Variants in BIVM observed in about 807,000 individuals in gnomAD.
The protein encoded by BIVM is basic, immunoglobulin-like variable motif containing, also known as basic immunoglobulin-like variable motif-containing protein.
A neutral mutation model predicts 61.4 loss-of-function variants in BIVM; 31 were observed. That is an observed-to-expected ratio of 0.51 (90% CI 0.38 to 0.68). BIVM has a LOEUF of 0.68. Among genes scored for constraint, BIVM ranks in the 30% least tolerant of loss-of-function variants. The pLI is 0.00. For missense variants in BIVM, 526 were observed against 596.0 expected (o/e 0.88, Z 1.22); for synonymous variants, 189 against 210.7 (o/e 0.90, Z 0.89).
In BIVM at chr13:102,831,768, G is replaced by T; in HGVS notation, c.1034+71G>T. The T allele has an allele frequency of 3.9e-6, 6 of 1,546,336 alleles. No homozygotes were observed. The East Asian group carries it at 1.4e-4, about 37-fold the overall frequency. ...AAAATAGATGGGTGCGGTAGCTCAC[G>T]CCTGTAATCCTAGCACTTTGGGAGG... On this transcript the variant is annotated intron_variant, in intron 8 of 10. Transcript: ENST00000257336.
In BIVM at chr13:102,807,432, G is replaced by C; in HGVS notation, c.165G>C (p.Trp55Cys). The change falls in exon 3 of 11, where the codon TGG becomes TGC. Residue 55 changes from tryptophan (W) to cysteine (C), a missense_variant. Trp to Cys is a radical substitution (Grantham distance 215, BLOSUM62 -2). This residue lies in a region of BIVM where 312 missense variants were observed against 343.8 expected (regional missense o/e 0.91). Transcript: ENST00000257336. This position sits in a 1 kb window ranked among gnomAD's most constrained non-coding sequence, Gnocchi z 4.0. ...CCAAAGGAGATGGTCATTATCCATGGAGTTGTCCAGTGACTCATACACGGG... is the reference window on the plus strand; with the variant it reads ...CCAAAGGAGATGGTCATTATCCATGCAGTTGTCCAGTGACTCATACACGGG... ...LGPKGDGHYP[W>C]SCPVTHTREK... is the part of the protein sequence containing the mutation. 6.2e-7 allele frequency: 1 copy of C among 1,614,158 alleles called. No individual in the cohort carries two copies. The highest frequency in any genetic ancestry group is 8.5e-7 in the Non-Finnish European group (1 of 1,180,026).
rs750633383 is a variant in BIVM at position 102,807,631 on chromosome 13, A to G, written c.364A>G (p.Asn122Asp). The stretch of plus-strand genomic sequence containing the variant: ...GACTAGTACATCGGAAATTATCTAC[A>G]ATGAAGAAAATAGCTTGGAAAACTT... ...IPTSTSEIIY[N>D]EENSLENLSN... The change falls in exon 3 of 11, where the codon AAT becomes GAT. Residue 122 changes from asparagine to aspartate, a missense_variant. Asn to Asp is a conservative substitution (Grantham distance 23). Transcript: ENST00000257336. This position sits in a 1 kb window ranked among gnomAD's most constrained non-coding sequence, Gnocchi z 4.0. The G allele has an allele frequency of 3.1e-6, 5 of 1,614,200 alleles. No individual in the cohort carries two copies. The highest frequency in any genetic ancestry group is 1.1e-5 in the South Asian group (1 of 91,086).
chr13:102,809,800 T>C (rs1292692986), intron 3 of BIVM, among the ~76,000 whole-genome samples: 1 of 151,676 alleles, frequency 6.6e-6, no homozygotes, highest in Admixed American at 6.6e-5. Context: ...TTTTTTTTTT[T>C]TCTGAGACAG....
chr13:102,804,694 A>T (rs1211967895), intron 1 of BIVM, among the ~76,000 whole-genome samples: 1 of 150,706 alleles, frequency 6.6e-6, no homozygotes. Context: ...TCCTGACCTC[A>T]AATGATCCAC....
intron 4 of BIVM, among the ~76,000 whole-genome samples, chr13:102,818,894 A>G (rs1880052823): frequency 6.6e-6 from 1 of 152,244 alleles, no homozygotes; most frequent in Non-Finnish European, 1.5e-5. Context: ...GAGAAAAACT[A>G]TATACATGCA....
At chr13:102,808,823 A>C (rs1419615569) in intron 3 of BIVM, among the ~76,000 whole-genome samples, 1 of 152,136 alleles carries the variant, frequency 6.6e-6, no homozygotes, top group African/African-American at 2.4e-5. Flanking sequence ...TTAAGTTGTC[A>C]AATTTGGGGG....
chr13:102,834,432 T>G (rs1236430623), intron 8 of BIVM, 34 bp from the exon 9 acceptor site: 2 of 1,573,448 alleles, frequency 1.3e-6, no homozygotes, highest in Non-Finnish European at 1.7e-6. Flanking sequence ...AGGGAGTAAC[T>G]ATTAAACGTA....
chr13:102,815,061 A>AAACC lies in BIVM; in HGVS notation c.479-1364_479-1363insCAAC, dbSNP rs572519327. On this transcript the variant is annotated intron_variant, in intron 3 of 10. Coordinates refer to ENST00000257336, the MANE Select transcript of BIVM (RefSeq NM_017693.4). The stretch of plus-strand genomic sequence containing the variant: ...CTTGTCTCAAAACAAACAAACAAAC[A>AAACC]AACAAACAAAAAGAATAATTAAAAG... 1.8e-4 allele frequency among the ~76,000 whole-genome samples: 27 copies of AAACC among 152,270 alleles called. No homozygotes were observed. In the East Asian group the frequency reaches 4.8e-3, roughly 27 times the overall value.
At chr13:102,829,577 A>G (rs1880913127) in intron 7 of BIVM, among the ~76,000 whole-genome samples, 1 of 152,002 alleles carries the variant, frequency 6.6e-6, no homozygotes, top group Admixed American at 6.6e-5. Context: ...AGTGGCTCAC[A>G]CCTGTAATCC....
At chr13:102,824,541 TG>T (rs1356211465) in intron 7 of BIVM, among the ~76,000 whole-genome samples, 1 of 152,182 alleles carries the variant, frequency 6.6e-6, no homozygotes, top group Non-Finnish European at 1.5e-5. Context: ...ATAAAAGGCT[TG>T]ATAGTAAATA....
At chr13:102,819,131 G>T (rs1880067391) in intron 4 of BIVM, among the ~76,000 whole-genome samples, 1 of 152,154 alleles carries the variant, frequency 6.6e-6, no homozygotes, top group South Asian at 2.1e-4. Context: ...AGGTCTCTTA[G>T]GTTGGAGTTC....
rs189233499 is a variant in BIVM, at chr13:102,819,602, G to A, written c.606-1435G>A. On this transcript the variant is annotated intron_variant, in intron 4 of 10. Coordinates refer to ENST00000257336, the MANE Select transcript of BIVM (RefSeq NM_017693.4). ...GGAACAACACACACTGGGCCCTGTC[G>A]CGGGGTGGGAACCGGGGACAGGAGA... 1.2e-3 allele frequency among the ~76,000 whole-genome samples: 184 copies of A among 152,202 alleles called. 2 individuals are homozygous for A. Among genetic ancestry groups the A allele is most frequent in the Non-Finnish European group, 3.7e-4 (25 of 68,020 alleles).
intron 8 of BIVM, among the ~76,000 whole-genome samples, chr13:102,833,010 G>C (rs1237094897): frequency 1.3e-5 from 2 of 152,026 alleles, no homozygotes; most frequent in Non-Finnish European, 2.9e-5. Context: ...TGTAATCCCA[G>C]CATTTTGGGA....
chr13:102,825,099 T>C (rs1027334085), intron 7 of BIVM, among the ~76,000 whole-genome samples: 4 of 152,068 alleles, frequency 2.6e-5, no homozygotes, highest in South Asian at 2.1e-4. Context: ...CCCACCACCA[T>C]GCCCGGCTAA....
In BIVM at chr13:102,839,803, A is replaced by C. The variant is rs1467548825; in HGVS notation, c.1450A>C (p.Ser484Arg). 1.2e-6 allele frequency: 2 copies of C among 1,614,036 alleles called. No individual in the cohort carries two copies. The highest frequency in any genetic ancestry group is 8.5e-7 in the Non-Finnish European group (1 of 1,180,054). The change falls in exon 11 of 11, where the codon AGT becomes CGT. Residue 484 changes from serine (S) to arginine (R), a missense_variant. Ser to Arg is a moderately radical substitution (Grantham distance 110, BLOSUM62 -1). Around this residue, in one of 3 missense-constraint regions of BIVM, gnomAD observed 210 missense variants for 233.1 expected, o/e 0.90. Coordinates refer to ENST00000257336, the MANE Select transcript of BIVM (RefSeq NM_017693.4). ...HQDSAWKKMSSIHERRNSGYQ... is the reference protein window; with the variant it reads ...HQDSAWKKMSRIHERRNSGYQ... ...GGACTCGGCATGGAAAAAGATGTCTAGTATCCATGAGAGAAGGAACAGTGG... is the reference window on the plus strand; with the variant it reads ...GGACTCGGCATGGAAAAAGATGTCTCGTATCCATGAGAGAAGGAACAGTGG...
intron 4 of BIVM, among the ~76,000 whole-genome samples, chr13:102,819,401 C>A (rs1450813818): frequency 6.6e-6 from 1 of 152,124 alleles, no homozygotes; most frequent in Non-Finnish European, 1.5e-5. Flanking sequence ...CAAAGCAAAA[C>A]TGAGGGAGGA....
intron 7 of BIVM, among the ~76,000 whole-genome samples, chr13:102,825,567 G>A (rs888984545): frequency 2.6e-5 from 4 of 152,168 alleles, no homozygotes; most frequent in African/African-American, 7.2e-5. Context: ...ACTGGCTTTC[G>A]AATATCCTGC....
intron 7 of BIVM, among the ~76,000 whole-genome samples, chr13:102,825,005 C>T (rs1230658598): frequency 3.3e-5 from 5 of 151,704 alleles, no homozygotes; most frequent in African/African-American, 4.8e-5. Flanking sequence ...TTCAGTGGCG[C>T]GATCTTGGCT....
At chr13:102,838,600 G>C in intron 9 of BIVM, 43 bp from the exon 10 acceptor site, 2 of 1,539,428 alleles carry the variant, frequency 1.3e-6, no homozygotes, top group Non-Finnish European at 1.8e-6. Context: ...TGATACTTTA[G>C]ACCTAAAGAA....
Sources: allele counts gnomAD v4.1 joint callset (sites outside exome capture counted in the v4.1 genomes callset), GRCh38; gene constraint gnomAD v4.1.1; regional missense constraint gnomAD v4.1.1; non-coding constraint Gnocchi (gnomAD v3.1); transcripts MANE v1.5; gene names NCBI Gene and HGNC (gene_info 2026-07-23, HGNC 2026-07-21).